Variants in RNGTT observed in about 807,000 individuals in gnomAD.
RNGTT encodes the protein mRNA-capping enzyme.
RNGTT carries 33 observed loss-of-function variants against 79.3 expected under a neutral mutation model. The observed-to-expected ratio is 0.42, with a 90% CI of 0.32 to 0.56. The LOEUF (loss-of-function observed/expected upper bound fraction) is 0.56, where lower values mean the gene tolerates loss of function less well. RNGTT is among the 20% of genes least tolerant of loss of function. RNGTT has a pLI of 0.17. For synonymous variants in RNGTT, 222 were observed against 235.9 expected, an observed-to-expected ratio of 0.94 and a Z score of 0.54; for missense variants, 497 against 739.1, an observed-to-expected ratio of 0.67 and a Z score of 3.80.
In RNGTT at chr6:88,745,184, A is replaced by G. The variant is rs186299733; in HGVS notation, c.1439+24590T>C. On this transcript the variant is annotated intron_variant, in intron 13 of 15. Transcript: ENST00000369485. ...CAACTTTAAAGAAGAGAAACTCCGCATATACCACCTTTAACAGTGATGAAG... is the reference window on the plus strand; with the variant it reads ...CAACTTTAAAGAAGAGAAACTCCGCGTATACCACCTTTAACAGTGATGAAG... Among the ~76,000 whole-genome samples, 13 of 152,354 alleles carry G rather than the reference A, an allele frequency of 8.5e-5. No individual in the cohort carries two copies. The East Asian group carries it at 2.5e-3, about 29-fold the overall frequency.
At chr6:88,852,355 C>T (rs1344464709) in intron 9 of RNGTT, among the ~76,000 whole-genome samples, 2 of 151,984 alleles carry the variant, frequency 1.3e-5, no homozygotes. Flanking sequence ...AAGTCTTTTC[C>T]TTTCTTATAT....
intron 14 of RNGTT, among the ~76,000 whole-genome samples, chr6:88,632,427 A>G (rs905929955): frequency 2.0e-5 from 3 of 152,134 alleles, no homozygotes; most frequent in Non-Finnish European, 4.4e-5. Context: ...CTTCATAAAC[A>G]AAAGGTATAA....
At chr6:88,782,046 C>T (rs1042710266) in intron 12 of RNGTT, among the ~76,000 whole-genome samples, 2 of 152,002 alleles carry the variant, frequency 1.3e-5, no homozygotes, top group African/African-American at 2.4e-5. Context: ...CCTCCCCGTG[C>T]CCACTTACCT....
chr6:88,807,984 T>G (rs1326297495), intron 11 of RNGTT, among the ~76,000 whole-genome samples: 1 of 152,080 alleles, frequency 6.6e-6, no homozygotes, highest in African/African-American at 2.4e-5. Flanking sequence ...AAAGGCACAG[T>G]AGAGTTCTTT....
At chr6:88,700,405 C>A (rs1437813940) in intron 13 of RNGTT, among the ~76,000 whole-genome samples, 1 of 152,136 alleles carries the variant, frequency 6.6e-6, no homozygotes, top group Admixed American at 6.6e-5. Context: ...TCTCAGTTTT[C>A]CTTCCTCATC....
At chr6:88,741,497 G>A (rs960433342) in intron 13 of RNGTT, among the ~76,000 whole-genome samples, 5 of 152,042 alleles carry the variant, frequency 3.3e-5, no homozygotes, top group Non-Finnish European at 7.4e-5. Flanking sequence ...CAGTACCTGG[G>A]TGACAAGATC....
At chr6:88,806,721 G>A (rs1779966884) in intron 11 of RNGTT, among the ~76,000 whole-genome samples, 2 of 152,104 alleles carry the variant, frequency 1.3e-5, no homozygotes, top group Non-Finnish European at 2.9e-5. Context: ...AGTATCATTT[G>A]ACCCAGCAAT....
chr6:88,774,920 G>A (rs1323155060), intron 12 of RNGTT, among the ~76,000 whole-genome samples: 1 of 152,116 alleles, frequency 6.6e-6, no homozygotes, highest in Non-Finnish European at 1.5e-5. Flanking sequence ...CACTGTCCAT[G>A]TAATTAGAGA....
intron 14 of RNGTT, among the ~76,000 whole-genome samples, chr6:88,655,712 G>A (rs1157995332): frequency 6.6e-6 from 1 of 152,174 alleles, no homozygotes. Flanking sequence ...CCTTTCTGCA[G>A]TGTCAAAGTG....
intron 12 of RNGTT, among the ~76,000 whole-genome samples, chr6:88,787,088 T>C (rs554141479): frequency 1.3e-5 from 2 of 152,332 alleles, no homozygotes; most frequent in African/African-American, 4.8e-5. Context: ...ACTCGGTTTA[T>C]GGTATTTTGT....
At chr6:88,914,992 T>C (rs914473449) in intron 4 of RNGTT, among the ~76,000 whole-genome samples, 1 of 152,090 alleles carries the variant, frequency 6.6e-6, no homozygotes, top group Non-Finnish European at 1.5e-5. Flanking sequence ...AAAGAGGACA[T>C]ACAAGTGGCC....
intron 14 of RNGTT, among the ~76,000 whole-genome samples, chr6:88,618,658 C>T (rs1772322765): frequency 1.3e-5 from 2 of 152,162 alleles, no homozygotes; most frequent in African/African-American, 2.4e-5. Context: ...GAGCAACACA[C>T]CATATATTTT....
intron 14 of RNGTT, among the ~76,000 whole-genome samples, chr6:88,628,952 C>G (rs544900641): frequency 6.6e-6 from 1 of 152,142 alleles, no homozygotes; most frequent in South Asian, 2.1e-4. Context: ...ATAGGTCATG[C>G]TGAGTTTAAT....
chr6:88,610,562 CCT>C lies in RNGTT; in HGVS notation c.*2155_*2156del, dbSNP rs2127843472. ...CAAAATCCTGCCTCTAGATTATCCC[CCT>C]GACCTTCTAAATGACTTTTATAATA... On this transcript the variant is annotated 3_prime_UTR_variant, in exon 16 of 16. Coordinates refer to ENST00000369485, the MANE Select transcript of RNGTT (RefSeq NM_003800.5). The C allele has an allele frequency of 6.6e-6, 1 of 152,290 alleles. No homozygotes were observed. Among genetic ancestry groups the C allele is most frequent in the South Asian group, 2.1e-4 (1 of 4,826 alleles). The allele number at this position is 152,290 out of a possible 1,614,324, so 9.4% of individuals were successfully genotyped here.
rs533539436 is a variant in RNGTT at position 88,843,362 on chromosome 6, A to C, written c.1269+995T>G. On this transcript the variant is annotated intron_variant, in intron 11 of 15. Transcript: ENST00000369485. ...TTGGTAATAGCAAAGGACTAGAAGC[A>C]ATCTAAAAACCCATCAATTACAACA... Among the ~76,000 whole-genome samples, 193 of 152,142 alleles carry C rather than the reference A, an allele frequency of 1.3e-3. 4 individuals carry two copies. The highest frequency in any genetic ancestry group is 4.4e-3 in the African/African-American group (181 of 41,520).
intron 1 of RNGTT, among the ~76,000 whole-genome samples, chr6:88,947,168 C>T (rs1331169976): frequency 5.4e-3 from 85 of 15,686 alleles, no homozygotes; most frequent in East Asian, 0.012. Context: ...GGAGCGTCTC[C>T]GCCCGGCCGC....
intron 11 of RNGTT, among the ~76,000 whole-genome samples, chr6:88,835,114 T>G (rs1283057241): frequency 6.6e-6 from 1 of 152,182 alleles, no homozygotes; most frequent in East Asian, 1.9e-4. Flanking sequence ...CATAAAATTT[T>G]TCTAGTCTAA....
chr6:88,753,494 A>AC (rs1172370280), intron 13 of RNGTT, among the ~76,000 whole-genome samples: 1 of 151,150 alleles, frequency 6.6e-6, no homozygotes, highest in Non-Finnish European at 1.5e-5. Context: ...ACAGAGTGAG[A>AC]CCCCTGTCTC....
chr6:88,934,774 G>T (rs1043526701), intron 2 of RNGTT, among the ~76,000 whole-genome samples: 1 of 151,994 alleles, frequency 6.6e-6, no homozygotes, highest in Non-Finnish European at 1.5e-5. Context: ...CCAAGTAGCT[G>T]GGACCACAGG....
Sources: gnomAD v4.1 joint callset for allele counts (sites outside exome capture counted in the v4.1 genomes callset) on GRCh38, gnomAD v4.1.1 for gene constraint, MANE v1.5 for transcripts, NCBI Gene and HGNC (gene_info 2026-07-23, HGNC 2026-07-21) for gene names.